The following ELAVL2 variants were observed in gnomAD, a reference collection of about 807,000 sequenced individuals.
The protein encoded by ELAVL2 is ELAV like RNA binding protein 2, also known as ELAV-like protein 2.
Under a neutral mutation model 34.6 loss-of-function variants are expected in ELAVL2, and 4 were observed. The ratio of observed to expected loss-of-function variants is 0.12; its 90% CI spans 0.06 to 0.26. The LOEUF is 0.26. ELAVL2 is among the 10% of genes least tolerant of loss of function. The pLI, the probability that ELAVL2 is intolerant of heterozygous loss-of-function variation, is 1.00. For synonymous variants in ELAVL2, 193 were observed against 154.8 expected, an observed-to-expected ratio of 1.25 and a Z score of -1.83; for missense variants, 432 against 442.8, an observed-to-expected ratio of 0.98 and a Z score of 0.22.
chr9:23,775,078 C>T lies in ELAVL2; in HGVS notation c.-15-12829G>A, dbSNP rs959090. Among the ~76,000 whole-genome samples the T allele has an allele frequency of 5.3e-5, 8 of 152,112 alleles. No individual in the cohort carries two copies. In the South Asian group the frequency reaches 1.5e-3, roughly 28 times the overall value. On this transcript the variant is annotated intron_variant, in intron 1 of 6. Coordinates refer to ENST00000397312, the MANE Select transcript of ELAVL2 (RefSeq NM_004432.5). ...CAAGAAAAATAGAAAAGGAACTTTC[C>T]GTGGGATTTGAGTATCTTTTGCTAC... is the stretch of plus-strand genomic sequence containing the variant.
intron 1 of ELAVL2, among the ~76,000 whole-genome samples, chr9:23,813,019 A>T (rs529701569): frequency 6.6e-6 from 1 of 152,246 alleles, no homozygotes; most frequent in Admixed American, 6.5e-5. Context: ...CTAGAAATGT[A>T]AGTGCTTAAA....
At chr9:23,709,653 C>T (rs973743435) in intron 3 of ELAVL2, among the ~76,000 whole-genome samples, 44 of 152,260 alleles carry the variant, frequency 2.9e-4, no homozygotes, top group African/African-American at 9.6e-4. Flanking sequence ...AGCATATGTC[C>T]TACTGAGGTC....
intron 2 of ELAVL2, among the ~76,000 whole-genome samples, chr9:23,744,745 C>A (rs2050095513): frequency 6.6e-6 from 1 of 151,122 alleles, no homozygotes; most frequent in Non-Finnish European, 1.5e-5. Flanking sequence ...GCGCACCCCC[C>A]ACGAAAAAAA....
intron 1 of ELAVL2, among the ~76,000 whole-genome samples, chr9:23,773,945 CTCACACT>C (rs1218583129): frequency 2.0e-5 from 3 of 152,028 alleles, no homozygotes; most frequent in Admixed American, 2.0e-4. Flanking sequence ...GGCGCAGTGG[CTCACACT>C]TCTAATCCCT....
At chr9:23,843,889 A>T in the ELAVL2 span, among the ~76,000 whole-genome samples, 1 of 152,098 alleles carries the variant, frequency 6.6e-6, no homozygotes, top group African/African-American at 2.4e-5. Flanking sequence ...CCGGCTGTGC[A>T]CATTTGTCAA....
chr9:23,714,709 A>T (rs2041860851), intron 3 of ELAVL2, among the ~76,000 whole-genome samples: 1 of 152,186 alleles, frequency 6.6e-6, no homozygotes, highest in Non-Finnish European at 1.5e-5. Flanking sequence ...AATAACTTCT[A>T]TCTTGAGATG....
chr9:23,722,408 T>A (rs1341263413), intron 3 of ELAVL2, among the ~76,000 whole-genome samples: 1 of 152,244 alleles, frequency 6.6e-6, no homozygotes, highest in Non-Finnish European at 1.5e-5. Flanking sequence ...CTGCTAAGTA[T>A]GACCTCCAGA....
rs75456316 is a variant in ELAVL2 at position 23,742,423 on chromosome 9, G to A, written c.230-11298C>T. On this transcript the variant is annotated intron_variant, in intron 2 of 6. Transcript: ENST00000397312. ...AATTACACATGCCTTGTGAATGCAC[G>A]TACATACCTACGTCCTTCGCATACA... Among the ~76,000 whole-genome samples, 12 of 152,264 alleles carry A rather than the reference G, an allele frequency of 7.9e-5. No individual in the cohort carries two copies. The East Asian group carries it at 1.9e-3, about 25-fold the overall frequency.
In ELAVL2 at chr9:23,690,893, T is replaced by G. The variant is rs1229152965; in HGVS notation, c.*1664A>C. ...AATTTCTTTCATACATGGTAAAGAC[T>G]TATTTTATTATTTCCCCAAATAGTG... On this transcript the variant is annotated 3_prime_UTR_variant, in exon 7 of 7. Transcript: ENST00000397312. 3.3e-5 allele frequency: 5 copies of G among 152,550 alleles called. No individual in the cohort carries two copies. The highest frequency in any genetic ancestry group is 1.2e-4 in the African/African-American group (5 of 41,438). The allele number at this position is 152,550 out of a possible 1,614,324, so 9.4% of individuals were successfully genotyped here. A position where few individuals can be genotyped will look rare whatever the true frequency, so the allele number is the denominator to read the frequency against.
rs756743746 is a variant in ELAVL2 at position 23,731,086 on chromosome 9, G to T, written c.269C>A (p.Pro90His). The T allele has an allele frequency of 6.2e-7, 1 of 1,613,012 alleles. No individual in the cohort carries two copies. The highest frequency in any genetic ancestry group is 1.1e-5 in the South Asian group (1 of 90,982). The part of the protein sequence containing the change: ...LGYGFVNYID[P>H]KDAEKAINTL... ...GTTGATAGCTTTCTCTGCATCCTTGGGGTCAATGTAGTTCACAAAGCCATA... is the reference window on the plus strand; with the variant it reads ...GTTGATAGCTTTCTCTGCATCCTTGTGGTCAATGTAGTTCACAAAGCCATA... Residue 90 changes from proline (P) to histidine (H), a missense_variant, in exon 3 of 7, where the codon CCC becomes CAC. This residue lies in a region of ELAVL2 where 132 missense variants were observed against 118.3 expected (regional missense o/e 1.12). Coordinates refer to ENST00000397312, the MANE Select transcript of ELAVL2 (RefSeq NM_004432.5).
intron 2 of ELAVL2, among the ~76,000 whole-genome samples, chr9:23,733,639 G>T (rs571188164): frequency 1.4e-4 from 21 of 152,242 alleles, no homozygotes; most frequent in Non-Finnish European, 2.8e-4. Flanking sequence ...TCTGTCTGGG[G>T]CACAAGAGTG....
intron 2 of ELAVL2, among the ~76,000 whole-genome samples, chr9:23,733,100 C>G (rs909594672): frequency 2.1e-4 from 31 of 150,878 alleles, no homozygotes; most frequent in Admixed American, 2.0e-3. Context: ...GATACTCCTC[C>G]TCCTGCATCT....
intron 3 of ELAVL2, among the ~76,000 whole-genome samples, chr9:23,729,449 T>C (rs2046021423): frequency 6.6e-6 from 1 of 152,130 alleles, no homozygotes; most frequent in South Asian, 2.1e-4. Context: ...TTATTGTTAC[T>C]TAATAGTACT....
intron 1 of ELAVL2, among the ~76,000 whole-genome samples, chr9:23,763,535 T>C (rs1260346103): frequency 6.6e-6 from 1 of 151,506 alleles, no homozygotes; most frequent in African/African-American, 2.4e-5. Flanking sequence ...AGCTTTAACA[T>C]AGAAAAGGCA....
At chr9:23,761,925 T>G in intron 2 of ELAVL2, 81 bp downstream of exon 2, 1 of 1,442,032 alleles carries the variant, frequency 6.9e-7, no homozygotes, top group South Asian at 1.5e-5. Flanking sequence ...AGTGAATTAT[T>G]TACAAGCAGT....
At chr9:23,800,681 G>C (rs969242562) in intron 1 of ELAVL2, among the ~76,000 whole-genome samples, 1 of 152,142 alleles carries the variant, frequency 6.6e-6, no homozygotes, top group East Asian at 1.9e-4. Context: ...TCAAGCAAAT[G>C]AATCTACAAA....
chr9:23,741,640 A>G (rs1195694751), intron 2 of ELAVL2, among the ~76,000 whole-genome samples: 1 of 152,132 alleles, frequency 6.6e-6, no homozygotes, highest in East Asian at 1.9e-4. Flanking sequence ...CAAAATCCTC[A>G]TGATTAGGAG....
intron 1 of ELAVL2, among the ~76,000 whole-genome samples, chr9:23,819,356 A>C (rs1442211103): frequency 6.6e-6 from 1 of 152,194 alleles, no homozygotes; most frequent in Non-Finnish European, 1.5e-5. Flanking sequence ...AAACTAAATC[A>C]GAGAGGATCT....
chr9:23,847,969 G>T, the ELAVL2 span, among the ~76,000 whole-genome samples: 1 of 151,872 alleles, frequency 6.6e-6, no homozygotes, highest in Admixed American at 6.6e-5. Context: ...TTGAGATTAT[G>T]ACTATGATTA....
Sources: allele counts gnomAD v4.1 joint callset (sites outside exome capture counted in the v4.1 genomes callset), GRCh38; gene constraint gnomAD v4.1.1; regional missense constraint gnomAD v4.1.1; transcripts MANE v1.5; gene names NCBI Gene and HGNC (gene_info 2026-07-23, HGNC 2026-07-21).